The following KCNIP4 variants were observed in gnomAD, a reference collection of about 807,000 sequenced individuals.
KCNIP4 encodes Kv channel-interacting protein 4.
KCNIP4 carries 12 observed loss-of-function variants against 34.0 expected under a neutral mutation model. The ratio of observed to expected loss-of-function variants is 0.35; its 90% CI spans 0.23 to 0.57. The LOEUF is 0.57. Among genes scored for constraint, KCNIP4 ranks in the 20% least tolerant of loss-of-function variants. The pLI is 0.83. For missense variants in KCNIP4, 238 were observed against 311.7 expected (o/e 0.76, Z 1.78); for synonymous variants, 124 against 102.2 (o/e 1.21, Z -1.29).
intron 1 of KCNIP4, among the ~76,000 whole-genome samples, chr4:21,065,745 T>C (rs1398438514): frequency 7.0e-6 from 1 of 142,536 alleles, no homozygotes; most frequent in Non-Finnish European, 1.5e-5. Context: ...TATATATATA[T>C]ATATATATAT....
chr4:21,901,418 C>A (rs1156374685), intron 1 of KCNIP4, among the ~76,000 whole-genome samples: 3 of 152,120 alleles, frequency 2.0e-5, no homozygotes, highest in African/African-American at 7.2e-5. Flanking sequence ...AAAATAAGAG[C>A]CATATATCAA....
chr4:21,948,355 T>G (rs1730619169), intron 1 of KCNIP4, among the ~76,000 whole-genome samples: 1 of 151,970 alleles, frequency 6.6e-6, no homozygotes, highest in South Asian at 2.1e-4. Context: ...TCAAACATCT[T>G]TTCTTCCCCG....
chr4:21,933,870 T>C (rs1729709203), intron 1 of KCNIP4, among the ~76,000 whole-genome samples: 2 of 152,128 alleles, frequency 1.3e-5, no homozygotes, highest in East Asian at 1.9e-4. Flanking sequence ...ATTCCACTGG[T>C]AAACAAATAT....
chr4:21,357,891 T>A (rs1457638756), intron 1 of KCNIP4, among the ~76,000 whole-genome samples: 1 of 152,308 alleles, frequency 6.6e-6, no homozygotes, highest in Non-Finnish European at 1.5e-5. Flanking sequence ...GTGGCACTAT[T>A]CACAATAGCA....
At chr4:21,653,114 A>G (rs1433797844) in intron 1 of KCNIP4, among the ~76,000 whole-genome samples, 2 of 152,148 alleles carry the variant, frequency 1.3e-5, no homozygotes, top group African/African-American at 2.4e-5. Context: ...ATACTCACAT[A>G]CCCAGAAAAG....
chr4:20,929,219 G>A (rs903829618), intron 1 of KCNIP4, among the ~76,000 whole-genome samples: 1 of 151,978 alleles, frequency 6.6e-6, no homozygotes, highest in Non-Finnish European at 1.5e-5. Context: ...TGCAAGGCTG[G>A]TTTAACATAC....
chr4:21,904,087 G>T (rs1276538371), intron 1 of KCNIP4, among the ~76,000 whole-genome samples: 1 of 152,082 alleles, frequency 6.6e-6, no homozygotes, highest in Non-Finnish European at 1.5e-5. Context: ...AACAGAAAGG[G>T]CCATGGGTAG....
At chr4:21,259,540 C>T (rs73249524) in intron 1 of KCNIP4, among the ~76,000 whole-genome samples, 12,040 of 152,158 alleles carry the variant, frequency 0.079, 559 homozygotes, top group South Asian at 0.21. Flanking sequence ...CAGTCCCTTT[C>T]TGCCATTGGC....
intron 1 of KCNIP4, among the ~76,000 whole-genome samples, chr4:21,679,076 G>GA (rs1750140829): frequency 6.6e-6 from 1 of 152,096 alleles, no homozygotes; most frequent in Non-Finnish European, 1.5e-5. Context: ...AAAGGACTCA[G>GA]AAAAAAATCC....
At chr4:20,790,555 ATT>A (rs35279860) in intron 3 of KCNIP4, among the ~76,000 whole-genome samples, 19 of 150,128 alleles carry the variant, frequency 1.3e-4, no homozygotes, top group South Asian at 2.1e-4. Flanking sequence ...TTAATTTTTA[ATT>A]TTTTTTTTTT....
chr4:21,661,337 G>A (rs1204581217), intron 1 of KCNIP4, among the ~76,000 whole-genome samples: 3 of 152,080 alleles, frequency 2.0e-5, no homozygotes, highest in African/African-American at 7.3e-5. Flanking sequence ...CAAAAAGGCT[G>A]TCACACTGAC....
intron 1 of KCNIP4, among the ~76,000 whole-genome samples, chr4:21,601,368 ATC>A (rs1743140094): frequency 1.3e-5 from 2 of 152,150 alleles, no homozygotes; most frequent in South Asian, 4.1e-4. Flanking sequence ...CATGTATATA[ATC>A]AAAATTAATA....
At chr4:21,496,539 G>C (rs370319772) in intron 1 of KCNIP4, among the ~76,000 whole-genome samples, 5 of 152,142 alleles carry the variant, frequency 3.3e-5, no homozygotes, top group African/African-American at 1.2e-4. Flanking sequence ...CTGATCCAAC[G>C]TGACTAGTCT....
intron 1 of KCNIP4, among the ~76,000 whole-genome samples, chr4:21,084,268 C>A (rs1746234419): frequency 6.7e-6 from 1 of 149,882 alleles, no homozygotes. Flanking sequence ...GTGAGCCATG[C>A]AATGATGGAC....
At chr4:21,344,352 A>T (rs1717074089) in intron 1 of KCNIP4, among the ~76,000 whole-genome samples, 1 of 152,138 alleles carries the variant, frequency 6.6e-6, no homozygotes, top group African/African-American at 2.4e-5. Context: ...ACTTCAGAGG[A>T]TGAGGAGTGA....
chr4:20,947,288 C>T (rs567169348), intron 1 of KCNIP4, among the ~76,000 whole-genome samples: 56 of 152,316 alleles, frequency 3.7e-4, no homozygotes, highest in South Asian at 1.0e-3. Flanking sequence ...CCCACCTCAG[C>T]CTTCTGAGTA....
At chr4:21,733,583 T>C (rs928013672) in intron 1 of KCNIP4, among the ~76,000 whole-genome samples, 2 of 152,156 alleles carry the variant, frequency 1.3e-5, no homozygotes, top group African/African-American at 4.8e-5. Context: ...CAGTATAATT[T>C]TTGCAAGTCA....
intron 1 of KCNIP4, among the ~76,000 whole-genome samples, chr4:21,224,574 A>C (rs1577914986): frequency 4.0e-5 from 5 of 123,496 alleles, no homozygotes; most frequent in African/African-American, 1.1e-4. Context: ...ACAATTTTTC[A>C]ACTGTTTTTT....
chr4:20,923,161 G>A (rs1729571889), intron 1 of KCNIP4, among the ~76,000 whole-genome samples: 1 of 152,108 alleles, frequency 6.6e-6, no homozygotes, highest in South Asian at 2.1e-4. Flanking sequence ...AAATCCTGCT[G>A]AGTTTGCTAA....
Sources: allele counts gnomAD v4.1 joint callset (sites outside exome capture counted in the v4.1 genomes callset), GRCh38; gene constraint gnomAD v4.1.1; transcripts MANE v1.5; gene names NCBI Gene and HGNC (gene_info 2026-07-23, HGNC 2026-07-21).